The following SLC30A6 variants were observed in gnomAD, a reference collection of about 807,000 sequenced individuals.
The protein encoded by SLC30A6 is zinc transporter 6.
SLC30A6 carries 55 observed loss-of-function variants against 63.0 expected under a neutral mutation model. The ratio of observed to expected loss-of-function variants is 0.87; its 90% CI spans 0.70 to 1.09. The LOEUF (loss-of-function observed/expected upper bound fraction) is 1.09, where lower values mean the gene tolerates loss of function less well. Among genes scored for constraint, SLC30A6 ranks in the 50% least tolerant of loss-of-function variants. The probability of loss-of-function intolerance (pLI) is 0.00; values close to 1 mark genes in which losing one functional copy is unlikely to be tolerated. For synonymous variants in SLC30A6, 224 were observed against 186.1 expected (o/e 1.20, Z -1.66); for missense variants, 587 against 549.2 (o/e 1.07, Z -0.69).
chr2:32,182,732 C>T (rs769395026), intron 4 of SLC30A6, among the ~76,000 whole-genome samples: 13 of 152,180 alleles, frequency 8.5e-5, no homozygotes, highest in Non-Finnish European at 1.9e-4. Context: ...GCATTTCCAT[C>T]ATTCAGGAAA....
At chr2:32,175,959 G>A (rs1005306964) in intron 4 of SLC30A6, among the ~76,000 whole-genome samples, 2 of 151,976 alleles carry the variant, frequency 1.3e-5, no homozygotes, top group African/African-American at 4.8e-5. Context: ...GGCAACGAGC[G>A]AAACTCAGTC....
intron 5 of SLC30A6, chr2:32,187,064 CA>C (rs1682898856): frequency 9.1e-6 from 3 of 330,638 alleles, no homozygotes; most frequent in Middle Eastern, 3.9e-4. Flanking sequence ...AGGACTTTTA[CA>C]ATTTATGTAA....
rs1168733485 is a variant in SLC30A6 at position 32,223,664 on chromosome 2, A to C, written c.*2951A>C. 6.6e-6 allele frequency: 1 copy of C among 152,230 alleles called. No homozygotes were observed. Among genetic ancestry groups the C allele is most frequent in the Non-Finnish European group, 1.5e-5 (1 of 68,034 alleles). 9.4% of individuals were successfully genotyped at this position (152,230 alleles called of 1,614,324 possible). A position where few individuals can be genotyped will look rare whatever the true frequency, so the allele number is the denominator to read the frequency against. ...AGCCATTAATTTGAGGTGCCATGAG[A>C]ATAGGTGAACCACAGCCTAACACCA... On this transcript the variant is annotated 3_prime_UTR_variant, in exon 14 of 14. Transcript: ENST00000282587.
In SLC30A6 at chr2:32,165,917, T is replaced by C; in HGVS notation, c.3+14T>C. ...CTCCTTATCATGGTGAGTTGGCTGT[T>C]GGGGTGAGGGTTTCGGCTGTAGCTG... On this transcript the variant is annotated intron_variant, in intron 1 of 13. Transcript: ENST00000282587. The C allele has an allele frequency of 6.2e-7, 1 of 1,614,202 alleles. No individual in the cohort carries two copies.
chr2:32,198,830 T>G (rs1684022527), intron 10 of SLC30A6, among the ~76,000 whole-genome samples: 1 of 152,234 alleles, frequency 6.6e-6, no homozygotes, highest in African/African-American at 2.4e-5. Flanking sequence ...GTGATCCACC[T>G]GCCTCGGTGG....
At chr2:32,198,496 C>G (rs1558405798) in intron 10 of SLC30A6, among the ~76,000 whole-genome samples, 1 of 152,200 alleles carries the variant, frequency 6.6e-6, no homozygotes, top group Non-Finnish European at 1.5e-5. Flanking sequence ...TTCTATCTCC[C>G]ATCTCAGTGA....
intron 10 of SLC30A6, chr2:32,201,828 T>A: frequency 7.0e-7 from 1 of 1,424,268 alleles, no homozygotes; most frequent in African/African-American, 1.4e-5. Context: ...GCCACCATTA[T>A]GACTCAGATG....
At chr2:32,201,869 C>A in intron 10 of SLC30A6, 1 of 1,444,102 alleles carries the variant, frequency 6.9e-7, no homozygotes, top group Non-Finnish European at 9.6e-7. Context: ...AATGGTGTTA[C>A]AGATTACCTG....
chr2:32,210,577 T>C (rs915397806), intron 13 of SLC30A6, among the ~76,000 whole-genome samples: 2 of 151,704 alleles, frequency 1.3e-5, no homozygotes, highest in African/African-American at 4.8e-5. Context: ...TAATTAGCTC[T>C]TTTTGTTTAA....
At chr2:32,193,222 G>T (rs2148855038) in intron 7 of SLC30A6, among the ~76,000 whole-genome samples, 1 of 152,170 alleles carries the variant, frequency 6.6e-6, no homozygotes, top group South Asian at 2.1e-4. Flanking sequence ...CACTAACCCA[G>T]CTTCCCCTAG....
Position 32,220,619 on chromosome 2 carries a change from C to T in SLC30A6, c.1292C>T (p.Pro431Leu), listed in dbSNP as rs771594616. The T allele has an allele frequency of 2.6e-5, 42 of 1,614,038 alleles. No homozygotes were observed. Among genetic ancestry groups the T allele is most frequent in the Non-Finnish European group, 3.4e-5 (40 of 1,180,040 alleles). Reference sequence around the variant, plus strand: ...ATGCTTAATCAAGGACTTGGAGTTCCAGGAATTGGAGCAACTCAAGGATTG... The same window carrying T: ...ATGCTTAATCAAGGACTTGGAGTTCTAGGAATTGGAGCAACTCAAGGATTG... The part of the protein sequence containing the change: ...SSMLNQGLGV[P>L]GIGATQGLRT... Residue 431 changes from proline (P) to leucine (L), a missense_variant, in exon 14 of 14, where the codon CCA becomes CTA. Coordinates refer to ENST00000282587, the MANE Select transcript of SLC30A6 (RefSeq NM_017964.5).
chr2:32,180,245 T>A (rs7423337), intron 4 of SLC30A6, among the ~76,000 whole-genome samples: 1 of 151,874 alleles, frequency 6.6e-6, no homozygotes, highest in Non-Finnish European at 1.5e-5. Context: ...CTACAAAAAA[T>A]TTTAAAAATT....
At chr2:32,201,617 C>G in intron 10 of SLC30A6, 1 of 1,511,816 alleles carries the variant, frequency 6.6e-7, no homozygotes, top group Non-Finnish European at 9.0e-7. Context: ...GGAAACTCCT[C>G]TGGGGGTACA....
chr2:32,215,516 ATTT>A (rs10681739), intron 13 of SLC30A6, among the ~76,000 whole-genome samples: 7 of 132,478 alleles, frequency 5.3e-5, no homozygotes, highest in Admixed American at 7.9e-5. Context: ...ATATATATAT[ATTT>A]TTTTTTTTTT....
At chr2:32,188,729 T>C (rs375632770) in intron 5 of SLC30A6, among the ~76,000 whole-genome samples, 1 of 152,154 alleles carries the variant, frequency 6.6e-6, no homozygotes, top group Non-Finnish European at 1.5e-5. Context: ...CTGTCTTGTT[T>C]TCTGTAATAT....
chr2:32,204,713 C>T (rs1684593364), intron 11 of SLC30A6, 21 bp downstream of exon 11: 1 of 1,482,574 alleles, frequency 6.7e-7, no homozygotes, highest in African/African-American at 1.4e-5. Flanking sequence ...TCTTCCAATG[C>T]ACGTGCTTAA....
chr2:32,209,554 G>C lies in SLC30A6; in HGVS notation c.878G>C (p.Gly293Ala), dbSNP rs529513858. Residue 293 changes from glycine (G) to alanine (A), a missense_variant, in exon 13 of 14, where the codon GGC becomes GCC. Gly to Ala is a moderately conservative substitution (Grantham distance 60). Coordinates refer to ENST00000282587, the MANE Select transcript of SLC30A6 (RefSeq NM_017964.5). ...GAACATTTTTGGACCCTAGGTTTTG[G>C]CTCATTGGTATGTTCTTTTACATAT... Reference protein sequence around the residue: ...RNEHFWTLGFGSLAGSVHVRI... With the variant: ...RNEHFWTLGFASLAGSVHVRI... 2.0e-4 allele frequency: 319 copies of C among 1,611,534 alleles called. 7 individuals are homozygous for C. The South Asian group carries it at 3.3e-3, about 17-fold the overall frequency.
intron 13 of SLC30A6, among the ~76,000 whole-genome samples, chr2:32,210,283 G>A (rs551551726): frequency 2.6e-5 from 4 of 152,074 alleles, no homozygotes; most frequent in South Asian, 2.1e-4. Flanking sequence ...AAGCCGAGGC[G>A]GGCAGATCAC....
chr2:32,187,697 T>A (rs1453148497), intron 5 of SLC30A6, among the ~76,000 whole-genome samples: 1 of 152,188 alleles, frequency 6.6e-6, no homozygotes, highest in Non-Finnish European at 1.5e-5. Flanking sequence ...GAAAAAATTC[T>A]TGGTTTCTTC....
Sources: gnomAD v4.1 joint callset for allele counts (sites outside exome capture counted in the v4.1 genomes callset) on GRCh38, gnomAD v4.1.1 for gene constraint, MANE v1.5 for transcripts, NCBI Gene and HGNC (gene_info 2026-07-23, HGNC 2026-07-21) for gene names.